ACOT12: variants seen among roughly 807,000 people sequenced by gnomAD.
ACOT12 encodes acetyl-coenzyme A thioesterase.
Under a neutral mutation model 67.7 loss-of-function variants are expected in ACOT12, and 51 were observed. That is an observed-to-expected ratio of 0.75 (90% CI 0.60 to 0.95). ACOT12 has a LOEUF of 0.95. Among genes scored for constraint, ACOT12 ranks in the 40% least tolerant of loss-of-function variants. The pLI, the probability that ACOT12 is intolerant of heterozygous loss-of-function variation, is 0.00. For missense variants in ACOT12, 734 were observed against 708.1 expected, an observed-to-expected ratio of 1.04 and a Z score of -0.41; for synonymous variants, 251 against 244.6, an observed-to-expected ratio of 1.03 and a Z score of -0.24.
intron 7 of ACOT12, 117 bp downstream of exon 7, chr5:81,345,768 G>T: frequency 2.3e-6 from 3 of 1,333,160 alleles, no homozygotes; most frequent in Non-Finnish European, 3.1e-6. Flanking sequence ...TTTGAAAATT[G>T]CATGAAAAAA....
At chr5:81,329,321 G>A (rs1561317243), downstream of ACOT12, among the ~76,000 whole-genome samples, 1 of 151,990 alleles carries the variant, frequency 6.6e-6, no homozygotes, top group African/African-American at 2.4e-5. Flanking sequence ...TCTACTTCTG[G>A]AATATAATAT....
chr5:81,353,767 A>G (rs1217717721), intron 5 of ACOT12, among the ~76,000 whole-genome samples: 3 of 152,218 alleles, frequency 2.0e-5, no homozygotes, highest in South Asian at 2.1e-4. Flanking sequence ...TCTGGATTCA[A>G]TGTTCTCACT....
At chr5:81,366,313 G>A (rs554578680) in intron 3 of ACOT12, among the ~76,000 whole-genome samples, 4 of 152,100 alleles carry the variant, frequency 2.6e-5, no homozygotes, top group South Asian at 2.1e-4. Context: ...GTTCAGCATC[G>A]AGTAAAAAAT....
At chr5:81,351,333 C>T (rs1759547402) in intron 5 of ACOT12, among the ~76,000 whole-genome samples, 1 of 152,130 alleles carries the variant, frequency 6.6e-6, no homozygotes, top group African/African-American at 2.4e-5. Context: ...TAAATTAATA[C>T]AATTATCTGA....
chr5:81,323,402 G>A, the ACOT12 span, among the ~76,000 whole-genome samples: 1,465 of 152,290 alleles, frequency 9.6e-3, 31 homozygotes, highest in African/African-American at 0.033. Context: ...TCTGTTCCAC[G>A]TGTCTCTCTT....
At chr5:81,312,642 C>T in the ACOT12 span, 1 of 1,612,784 alleles carries the variant, frequency 6.2e-7, no homozygotes, top group Non-Finnish European at 8.5e-7. Flanking sequence ...AACAAAAATA[C>T]CTAAAGTTGT....
At chr5:81,349,715 A>T (rs1759496420) in intron 5 of ACOT12, among the ~76,000 whole-genome samples, 1 of 152,186 alleles carries the variant, frequency 6.6e-6, no homozygotes, top group African/African-American at 2.4e-5. Flanking sequence ...ATGGATTTTT[A>T]AAATTCTCAT....
the ACOT12 span, chr5:81,308,776 T>A: frequency 6.5e-7 from 1 of 1,545,736 alleles, no homozygotes; most frequent in Non-Finnish European, 8.7e-7. Flanking sequence ...ACCTTGGGTA[T>A]TTTTTTAACA....
chr5:81,355,951 A>G (rs943412036), intron 5 of ACOT12, among the ~76,000 whole-genome samples: 5 of 152,204 alleles, frequency 3.3e-5, no homozygotes, highest in African/African-American at 1.2e-4. Context: ...AAGCTGCTCT[A>G]AGAGCTGCAA....
At chr5:81,319,799 C>T in the ACOT12 span, among the ~76,000 whole-genome samples, 1 of 151,466 alleles carries the variant, frequency 6.6e-6, no homozygotes, top group Non-Finnish European at 1.5e-5. Flanking sequence ...CCCACCCACC[C>T]TACCCTAAGC....
chr5:81,311,665 T>G, the ACOT12 span, among the ~76,000 whole-genome samples: 1 of 152,206 alleles, frequency 6.6e-6, no homozygotes, highest in African/African-American at 2.4e-5. Context: ...TTATGTATGC[T>G]TTGCTTTGTA....
chr5:81,321,562 CA>C, the ACOT12 span, among the ~76,000 whole-genome samples: 1 of 152,016 alleles, frequency 6.6e-6, no homozygotes. Flanking sequence ...AACAAACAAA[CA>C]AAAAACTACC....
the ACOT12 span, among the ~76,000 whole-genome samples, chr5:81,323,095 A>C: frequency 2.0e-5 from 3 of 152,074 alleles, no homozygotes; most frequent in East Asian, 1.9e-4. Flanking sequence ...AAAAAAAAAA[A>C]AAAAAACAGC....
At chr5:81,318,464 A>C in the ACOT12 span, among the ~76,000 whole-genome samples, 1 of 149,096 alleles carries the variant, frequency 6.7e-6, no homozygotes, top group African/African-American at 2.6e-5. Flanking sequence ...TGAAATTAGT[A>C]AGTGTAAGTC....
At chr5:81,324,582 G>C in the ACOT12 span, among the ~76,000 whole-genome samples, 2 of 152,162 alleles carry the variant, frequency 1.3e-5, no homozygotes, top group African/African-American at 4.8e-5. Context: ...GACTCACTGA[G>C]GAATAGATAT....
chr5:81,382,352 A>G (rs1157840499), intron 2 of ACOT12, among the ~76,000 whole-genome samples: 1 of 152,072 alleles, frequency 6.6e-6, no homozygotes, highest in African/African-American at 2.4e-5. Flanking sequence ...TTTGTGGGGG[A>G]AAATGTAAAA....
At chr5:81,320,653 G>T in the ACOT12 span, among the ~76,000 whole-genome samples, 73,284 of 151,972 alleles carry the variant, frequency 0.48, 18,450 homozygotes, top group Admixed American at 0.6. Context: ...GGACCAGACT[G>T]CATGATAAAA....
chr5:81,366,290 T>C (rs1363973902), intron 3 of ACOT12, among the ~76,000 whole-genome samples: 2 of 152,078 alleles, frequency 1.3e-5, no homozygotes, highest in African/African-American at 4.8e-5. Flanking sequence ...CTAAACAATA[T>C]AAAATTCACA....
At chr5:81,377,368 C>T (rs1017273386) in intron 2 of ACOT12, among the ~76,000 whole-genome samples, 1 of 152,092 alleles carries the variant, frequency 6.6e-6, no homozygotes, top group African/African-American at 2.4e-5. Context: ...TTATGAGAAA[C>T]CCACAGCCAA....
Sources: allele counts gnomAD v4.1 joint callset (sites outside exome capture counted in the v4.1 genomes callset), GRCh38; gene constraint gnomAD v4.1.1; transcripts MANE v1.5; gene names NCBI Gene and HGNC (gene_info 2026-07-23, HGNC 2026-07-21).